The following RGS5 variants were observed in gnomAD, a reference collection of about 807,000 sequenced individuals.
The protein encoded by RGS5 is regulator of G protein signaling 5.
In RGS5, 20 loss-of-function variants were observed where a neutral mutation model predicts 18.9. The observed-to-expected ratio is 1.06, with a 90% confidence interval of 0.74 to 1.54. The LOEUF is 1.54. RGS5 is among the 40% of genes most tolerant of loss of function. The pLI is 0.00. For synonymous variants in RGS5, 57 were observed against 76.2 expected, an observed-to-expected ratio of 0.75 and a Z score of 1.31; for missense variants, 201 against 211.8, an observed-to-expected ratio of 0.95 and a Z score of 0.32.
At chr1:163,307,877 C>T (rs1049512677) in intron 1 of RGS5, among the ~76,000 whole-genome samples, 3 of 152,152 alleles carry the variant, frequency 2.0e-5, no homozygotes, top group African/African-American at 7.2e-5. Context: ...GAAGAATAAA[C>T]TGAGACTTAA....
chr1:163,183,707 T>C (rs1007379956), intron 1 of RGS5, among the ~76,000 whole-genome samples: 2 of 152,196 alleles, frequency 1.3e-5, no homozygotes, highest in Non-Finnish European at 2.9e-5. Flanking sequence ...AAAAGTGATA[T>C]AAACTACAAG....
rs1657054671 is a variant in RGS5 at position 163,144,486 on chromosome 1, T to C, written c.*2856A>G. The C allele has an allele frequency of 1.3e-5, 2 of 152,558 alleles. No homozygotes were observed. The highest frequency in any genetic ancestry group is 4.1e-4 in the South Asian group (2 of 4,834). 9.5% of individuals were successfully genotyped at this position (152,558 alleles called of 1,614,324 possible). On this transcript the variant is annotated 3_prime_UTR_variant, in exon 5 of 5. Coordinates refer to ENST00000313961, the MANE Select transcript of RGS5 (RefSeq NM_003617.4). ...TGAGAACCATATTCTCCTATTTCCA[T>C]TGACCACAATTTGGTTCCACCACCT...
chr1:163,147,170 A>G lies in RGS5; in HGVS notation c.*172T>C, dbSNP rs1011290159. 1.0e-4 allele frequency: 54 copies of G among 534,928 alleles called. No homozygotes were observed. The African/African-American group carries it at 1.0e-3, about 10-fold the overall frequency. The allele number at this position is 534,928 out of a possible 1,614,324, so 33.1% of individuals were successfully genotyped here. A position where few individuals can be genotyped will look rare whatever the true frequency, so the allele number is the denominator to read the frequency against. ...GGGAAAGAAGGCCTTCGGACAGTAG[A>G]TAAGTATCCAAAGCAGTGTGGGCAA... On this transcript the variant is annotated 3_prime_UTR_variant, in exon 5 of 5. Coordinates refer to ENST00000313961, the MANE Select transcript of RGS5 (RefSeq NM_003617.4).
intron 1 of RGS5, among the ~76,000 whole-genome samples, chr1:163,198,145 T>C (rs1659642277): frequency 6.6e-6 from 1 of 152,110 alleles, no homozygotes; most frequent in East Asian, 1.9e-4. Context: ...AAAATAATAA[T>C]ACATTTTAAA....
At chr1:163,291,203 C>T (rs915926521) in intron 2 of RGS5, among the ~76,000 whole-genome samples, 1 of 151,462 alleles carries the variant, frequency 6.6e-6, no homozygotes, top group African/African-American at 2.4e-5. Context: ...TCTAATGAAG[C>T]TTCCTTATTT....
chr1:163,147,922 T>TTTTTCTTTTTTC (rs771123131), intron 4 of RGS5, among the ~76,000 whole-genome samples: 7 of 132,632 alleles, frequency 5.3e-5, no homozygotes, highest in South Asian at 2.7e-4. Flanking sequence ...CTTTTTCTTT[T>TTTTTCTTTTTTC]TTTTTTTTTT....
intron 2 of RGS5, chr1:163,238,168 G>T (rs1272473515): frequency 6.6e-6 from 1 of 152,434 alleles, no homozygotes; most frequent in East Asian, 1.9e-4. Context: ...AAAAATACTT[G>T]TTACAGATCA....
chr1:163,263,172 T>G (rs1324238603), intron 2 of RGS5, among the ~76,000 whole-genome samples: 1 of 152,160 alleles, frequency 6.6e-6, no homozygotes, highest in African/African-American at 2.4e-5. Context: ...CTTCTGTAAT[T>G]TCTGCAATTT....
chr1:163,318,076 A>C (rs1650074245), intron 1 of RGS5, among the ~76,000 whole-genome samples: 1 of 152,194 alleles, frequency 6.6e-6, no homozygotes, highest in Admixed American at 6.5e-5. Context: ...TTCTTGCAAG[A>C]GCCCTAAAAA....
chr1:163,180,995 C>G (rs546724735), intron 1 of RGS5, among the ~76,000 whole-genome samples: 2 of 151,954 alleles, frequency 1.3e-5, no homozygotes, highest in Non-Finnish European at 2.9e-5. Flanking sequence ...CGCCCGCCCC[C>G]CTGTTCTTAT....
rs564594819 is a variant in RGS5, at chr1:163,289,310, C to T, written c.-281+16923G>A. The stretch of plus-strand genomic sequence containing the variant: ...TCTTTCTCTGAAATGCCCTTCCTAC[C>T]TTTCTTGGTGTGTCCAACTCATGTG... On this transcript the variant is annotated intron_variant, in intron 2 of 5. Coordinates refer to the RGS5 transcript ENST00000618415. Among the ~76,000 whole-genome samples the T allele has an allele frequency of 3.3e-3, 507 of 151,994 alleles. 2 individuals carry two copies. Among genetic ancestry groups the T allele is most frequent in the African/African-American group, 0.012 (491 of 41,482 alleles).
chr1:163,155,290 C>T (rs1571214406), intron 3 of RGS5, among the ~76,000 whole-genome samples: 1 of 152,142 alleles, frequency 6.6e-6, no homozygotes, highest in East Asian at 1.9e-4. Flanking sequence ...TGCCGGGATT[C>T]CACAGAAATA....
chr1:163,321,716 G>C (rs1247301734), exon 1 of RGS5: 1 of 152,132 alleles, frequency 6.6e-6, no homozygotes, highest in Non-Finnish European at 1.5e-5. Context: ...TCTAAACGCT[G>C]GCGGAAGTCA....
At chr1:163,198,761 G>A (rs1218276375) in intron 1 of RGS5, among the ~76,000 whole-genome samples, 1 of 152,094 alleles carries the variant, frequency 6.6e-6, no homozygotes, top group Non-Finnish European at 1.5e-5. Flanking sequence ...CTCCTGAATA[G>A]CTGGCACTAC....
chr1:163,300,507 A>T (rs939651930), intron 2 of RGS5: 1 of 152,228 alleles, frequency 6.6e-6, no homozygotes, highest in Non-Finnish European at 1.5e-5. Flanking sequence ...TCATTTGATA[A>T]AAACGTGTGA....
intron 2 of RGS5, among the ~76,000 whole-genome samples, chr1:163,262,150 A>AAT: frequency 9.9e-6 from 1 of 101,452 alleles, no homozygotes; most frequent in South Asian, 3.1e-4. Context: ...GAGTTTTGAA[A>AAT]CTTTTTTTTT....
At chr1:163,183,596 G>A (rs141646833) in intron 1 of RGS5, among the ~76,000 whole-genome samples, 1 of 152,098 alleles carries the variant, frequency 6.6e-6, no homozygotes, top group Admixed American at 6.5e-5. Flanking sequence ...TAACTTATTC[G>A]CTGGTAAAAT....
In RGS5 at chr1:163,152,644, C is replaced by T. The variant is rs1251592440; in HGVS notation, c.290G>A (p.Cys97Tyr). 1 of 1,612,926 alleles carries T rather than the reference C, an allele frequency of 6.2e-7. No homozygotes were observed. Reference protein sequence around the residue: ...SEENLEFWIACEDYKKIKSPA... With the variant: ...SEENLEFWIAYEDYKKIKSPA... ...GGACTTGATCTTCTTGTAATCCTCA[C>T]AGGCAATCCAGAACTCAAGGTTTTC... Residue 97 changes from cysteine to tyrosine, a missense_variant, in exon 4 of 5, where the codon TGT becomes TAT. Coordinates refer to ENST00000313961, the MANE Select transcript of RGS5 (RefSeq NM_003617.4).
chr1:163,233,784 T>C (rs1647545145), intron 2 of RGS5, among the ~76,000 whole-genome samples: 1 of 152,102 alleles, frequency 6.6e-6, no homozygotes, highest in Non-Finnish European at 1.5e-5. Flanking sequence ...GGGTGTATCG[T>C]ACAAAGTACA....
Sources: gnomAD v4.1 joint callset for allele counts (sites outside exome capture counted in the v4.1 genomes callset) on GRCh38, gnomAD v4.1.1 for gene constraint, MANE v1.5 for transcripts, NCBI Gene and HGNC (gene_info 2026-07-23, HGNC 2026-07-21) for gene names.